WDFY3: variants seen among roughly 807,000 people sequenced by gnomAD.
The protein encoded by WDFY3 is WD repeat and FYVE domain containing 3.
In WDFY3, 66 loss-of-function variants were observed where a neutral mutation model predicts 409.6. The ratio of observed to expected loss-of-function variants is 0.16; its 90% CI spans 0.13 to 0.20. The LOEUF (loss-of-function observed/expected upper bound fraction) is 0.20. Among genes scored for constraint, WDFY3 ranks in the 10% least tolerant of loss-of-function variants. The pLI is 1.00. For synonymous variants in WDFY3, 1,521 were observed against 1,537.1 expected, an observed-to-expected ratio of 0.99 and a Z score of 0.25; for missense variants, 3,031 against 4,298.1, an observed-to-expected ratio of 0.71 and a Z score of 8.24.
At chr4:84,698,411 C>T (rs1204677019) in intron 56 of WDFY3, among the ~76,000 whole-genome samples, 2 of 151,268 alleles carry the variant, frequency 1.3e-5, no homozygotes, top group South Asian at 2.1e-4. Flanking sequence ...CAGCCTCCCA[C>T]GTACAGGCAC....
chr4:84,728,955 A>G (rs1363365948), intron 44 of WDFY3, among the ~76,000 whole-genome samples: 1 of 152,090 alleles, frequency 6.6e-6, no homozygotes, highest in Non-Finnish European at 1.5e-5. Context: ...TAATGCTGGC[A>G]ATGAAATTTC....
chr4:84,787,270 G>A (rs1281897809), intron 23 of WDFY3, among the ~76,000 whole-genome samples: 1 of 152,116 alleles, frequency 6.6e-6, no homozygotes, highest in Non-Finnish European at 1.5e-5. Flanking sequence ...TGGATAATAA[G>A]CGATCAGACA....
rs928206286 is a variant in WDFY3, at chr4:84,688,122, T to C, written c.9507A>G (p.Arg3169=). The C allele has an allele frequency of 7.4e-6, 12 of 1,614,030 alleles. No homozygotes were observed. Among genetic ancestry groups the C allele is most frequent in the Admixed American group, 5.0e-5 (3 of 59,992 alleles). The change falls in exon 62 of 68, where the codon CGA becomes CGG. Residue 3169 remains arginine, a synonymous_variant. Transcript: ENST00000295888. ...LSFLTQLRGH[R]APVSALCINE... ...TGATACAAAGAGCAGAAACTGGAGC[T>C]CGATGCCCTCGAAGCTGGGTTAGAA...
intron 27 of WDFY3, among the ~76,000 whole-genome samples, chr4:84,775,798 C>T (rs1351701709): frequency 1.3e-5 from 2 of 151,498 alleles, no homozygotes; most frequent in African/African-American, 2.4e-5. Flanking sequence ...ACAAAGGGGA[C>T]AATGAAATGA....
intron 62 of WDFY3, 57 bp from the exon 63 acceptor site, chr4:84,684,182 T>C (rs1727911146): frequency 6.9e-7 from 1 of 1,440,676 alleles, no homozygotes; most frequent in South Asian, 1.6e-5. Context: ...ACCTTCTGGT[T>C]TCTGAAGCAA....
chr4:84,942,954 G>A (rs1042208981), intron 1 of WDFY3, among the ~76,000 whole-genome samples: 6 of 151,834 alleles, frequency 4.0e-5, no homozygotes, highest in African/African-American at 1.2e-4. Context: ...TTTTACTTAC[G>A]TATATACAGT....
intron 60 of WDFY3, among the ~76,000 whole-genome samples, chr4:84,690,969 G>A (rs976531377): frequency 1.3e-5 from 2 of 152,172 alleles, no homozygotes; most frequent in African/African-American, 4.8e-5. Flanking sequence ...AAGGTGCAGG[G>A]GACAATGTGG....
At chr4:84,800,242 C>T (rs1310925171) in intron 17 of WDFY3, among the ~76,000 whole-genome samples, 1 of 152,042 alleles carries the variant, frequency 6.6e-6, no homozygotes, top group African/African-American at 2.4e-5. Context: ...TAAAAACTTA[C>T]AAATAAATTT....
chr4:84,809,284 T>G (rs1021660621), intron 14 of WDFY3: 1 of 152,270 alleles, frequency 6.6e-6, no homozygotes, highest in Non-Finnish European at 1.5e-5. Flanking sequence ...AGCTAAAAGA[T>G]AGCAAGGACC....
At chr4:84,875,089 G>A (rs952770164) in intron 3 of WDFY3, among the ~76,000 whole-genome samples, 8 of 151,994 alleles carry the variant, frequency 5.3e-5, no homozygotes, top group African/African-American at 1.9e-4. Context: ...CCAACATGGT[G>A]AAACCCCGTC....
intron 2 of WDFY3, among the ~76,000 whole-genome samples, chr4:84,914,172 A>G (rs1051340409): frequency 6.6e-6 from 1 of 152,172 alleles, no homozygotes; most frequent in Non-Finnish European, 1.5e-5. Context: ...CTGTAATCCC[A>G]GCACTTTGGG....
chr4:84,681,501 G>A (rs1169038859), intron 64 of WDFY3, among the ~76,000 whole-genome samples: 1 of 152,106 alleles, frequency 6.6e-6, no homozygotes, highest in Non-Finnish European at 1.5e-5. Flanking sequence ...TCCTGCCCAA[G>A]GGATCTTTTT....
chr4:84,801,830 A>C lies in WDFY3; in HGVS notation c.2642T>G (p.Ile881Ser), dbSNP rs201437210. 1.9e-6 allele frequency: 3 copies of C among 1,614,184 alleles called. No individual in the cohort carries two copies. Among genetic ancestry groups the C allele is most frequent in the East Asian group, 4.5e-5 (2 of 44,892 alleles). The change falls in exon 17 of 68, where the codon ATT (isoleucine) becomes AGT (serine). Residue 881 changes from isoleucine to serine, a missense_variant. Around this residue, in one of 16 missense-constraint regions of WDFY3, gnomAD observed 1,322 missense variants for 1,697.9 expected, o/e 0.78. Transcript: ENST00000295888. The part of the protein sequence containing the change: ...ALDLQLAVAN[I>S]LQSLVHTERN... Reference sequence around the variant, plus strand: ...TTCTGTGTGCACCAGGGATTGTAAAATATTTGCCACGGCAAGTTGAAGATC... The same window carrying C: ...TTCTGTGTGCACCAGGGATTGTAAACTATTTGCCACGGCAAGTTGAAGATC...
chr4:84,850,951 TTTTTTTTTTTTTTTTTTTG>T (rs1758907572), intron 4 of WDFY3, among the ~76,000 whole-genome samples: 2 of 89,416 alleles, frequency 2.2e-5, no homozygotes, highest in Non-Finnish European at 5.2e-5. Flanking sequence ...TTTTTTTTTT[TTTTTTTTTTTTTTTTTTTG>T]AGAACTGGTT....
chr4:84,937,709 T>TA (rs1561117281), intron 1 of WDFY3, among the ~76,000 whole-genome samples: 2 of 152,102 alleles, frequency 1.3e-5, no homozygotes, highest in Non-Finnish European at 2.9e-5. Flanking sequence ...GCCATTTTTT[T>TA]AAAAAATGAC....
At chr4:84,811,278 C>A (rs1752448390) in intron 13 of WDFY3, among the ~76,000 whole-genome samples, 2 of 152,270 alleles carry the variant, frequency 1.3e-5, no homozygotes, top group East Asian at 3.9e-4. Context: ...GGATTACAGG[C>A]GTGAGCCACC....
intron 34 of WDFY3, among the ~76,000 whole-genome samples, chr4:84,754,603 G>A (rs1741114659): frequency 6.6e-6 from 1 of 152,070 alleles, no homozygotes; most frequent in African/African-American, 2.4e-5. Flanking sequence ...AAACAAATCT[G>A]GTCATTATTC....
In WDFY3 at chr4:84,808,346, A is replaced by G; in HGVS notation, c.2417T>C (p.Leu806Ser). Residue 806 changes from leucine (L) to serine (S), a missense_variant, in exon 15 of 68, where the codon TTG becomes TCG. This residue lies in a region of WDFY3 where 1,322 missense variants were observed against 1,697.9 expected (regional missense o/e 0.78). Coordinates refer to ENST00000295888, the MANE Select transcript of WDFY3 (RefSeq NM_014991.6). ...SLPSPWGTPA[L>S]SRKRHAYHSV... ...ATATGATCAGTACCTTTTCCTGGAC[A>G]AAGCTGGTGTACCCCAAGGAGAGGG... The G allele has an allele frequency of 6.2e-7, 1 of 1,613,868 alleles. No homozygotes were observed. The highest frequency in any genetic ancestry group is 1.1e-5 in the South Asian group (1 of 91,072).
intron 24 of WDFY3, among the ~76,000 whole-genome samples, chr4:84,784,641 C>T (rs924999704): frequency 6.6e-6 from 1 of 151,398 alleles, no homozygotes; most frequent in South Asian, 2.1e-4. Flanking sequence ...AGTTTGAGAC[C>T]AGCCTGGCCA....
Sources: allele counts gnomAD v4.1 joint callset (sites outside exome capture counted in the v4.1 genomes callset), GRCh38; gene constraint gnomAD v4.1.1; regional missense constraint gnomAD v4.1.1; transcripts MANE v1.5; gene names NCBI Gene and HGNC (gene_info 2026-07-23, HGNC 2026-07-21).